Variants in PCDHGB2 observed in about 807,000 individuals in gnomAD.
The protein encoded by PCDHGB2 is protocadherin gamma subfamily B, 2.
Under a neutral mutation model 59.3 loss-of-function variants are expected in PCDHGB2, and 55 were observed. The observed-to-expected ratio is 0.93, with a 90% CI of 0.75 to 1.16. The LOEUF (loss-of-function observed/expected upper bound fraction) is 1.16, where lower values mean the gene tolerates loss of function less well. Ranked by LOEUF, PCDHGB2 falls within the 50% of genes most tolerant of loss-of-function variation. The pLI, the probability that PCDHGB2 is intolerant of heterozygous loss-of-function variation, is 0.00. For missense variants in PCDHGB2, 1,228 were observed against 1,198.5 expected, an observed-to-expected ratio of 1.02 and a Z score of -0.36; for synonymous variants, 516 against 512.0, an observed-to-expected ratio of 1.01 and a Z score of -0.11.
chr5:141,384,237 C>T, intron 1 of PCDHGB2: 2 of 1,613,888 alleles, frequency 1.2e-6, no homozygotes, highest in East Asian at 2.2e-5. Flanking sequence ...CAGACACCAA[C>T]GATAACCCAC....
chr5:141,495,384 C>A (rs2099760896), intron 2 of PCDHGB2, among the ~76,000 whole-genome samples: 1 of 152,190 alleles, frequency 6.6e-6, no homozygotes, highest in African/African-American at 2.4e-5. Flanking sequence ...AAGGACTGGG[C>A]GGGGCATGGA....
intron 2 of PCDHGB2, among the ~76,000 whole-genome samples, chr5:141,503,222 G>A (rs540244346): frequency 2.2e-4 from 34 of 152,120 alleles, no homozygotes; most frequent in African/African-American, 7.7e-4. Context: ...CATGAGCACC[G>A]TAAAGATGGA....
chr5:141,397,245 G>A (rs2093494919), intron 1 of PCDHGB2, among the ~76,000 whole-genome samples: 1 of 152,148 alleles, frequency 6.6e-6, no homozygotes, highest in African/African-American at 2.4e-5. Flanking sequence ...CAACGTAGTA[G>A]GGTATATCAT....
intron 1 of PCDHGB2, chr5:141,384,854 C>T: frequency 6.2e-7 from 1 of 1,613,702 alleles, no homozygotes; most frequent in Non-Finnish European, 8.5e-7. Context: ...CACGGTCAGC[C>T]TCCTCTGTCA....
Position 141,505,566 on chromosome 5 carries a change from A to G in PCDHGB2, c.2569+85A>G, listed in dbSNP as rs1363426407. 1.4e-5 allele frequency: 22 copies of G among 1,599,886 alleles called. No individual in the cohort carries two copies. In the East Asian group the frequency reaches 4.7e-4, roughly 34 times the overall value. ...CACAGCCACCATGCCCACGGACTGGATGTCAAACCTGTGTAGTTTCTCCAG... is the reference window on the plus strand; with the variant it reads ...CACAGCCACCATGCCCACGGACTGGGTGTCAAACCTGTGTAGTTTCTCCAG... On this transcript the variant is annotated intron_variant, in intron 3 of 3. Coordinates refer to ENST00000522605, the MANE Select transcript of PCDHGB2 (RefSeq NM_018923.3).
intron 1 of PCDHGB2, chr5:141,375,104 A>G (rs762208267): frequency 6.2e-7 from 1 of 1,613,956 alleles, no homozygotes; most frequent in Non-Finnish European, 8.5e-7. Context: ...CTTGGATGTC[A>G]ATGATAATGT....
At chr5:141,492,163 C>T (rs921256341) in intron 1 of PCDHGB2, among the ~76,000 whole-genome samples, 22 of 152,232 alleles carry the variant, frequency 1.4e-4, no homozygotes, top group African/African-American at 5.3e-4. Context: ...CCTCCCTATC[C>T]CCGCATCACC....
At position 141,491,591 on chromosome 5, in the gene PCDHGB2, G is replaced by A. The variant is rs969259993; in HGVS notation, c.2422-3216G>A. 22 of 1,613,862 alleles carry A rather than the reference G, an allele frequency of 1.4e-5. No individual in the cohort carries two copies. The highest frequency in any genetic ancestry group is 1.8e-5 in the Non-Finnish European group (21 of 1,180,048). ...ACGTGCTTTTCACCGGCCTCGGACG[G>A]CAGTGACTTCACTTTTCTAAGACCC... On this transcript the variant is annotated intron_variant, in intron 1 of 3. Coordinates refer to ENST00000522605, the MANE Select transcript of PCDHGB2 (RefSeq NM_018923.3). This position sits in a 1 kb window ranked among gnomAD's most constrained non-coding sequence, Gnocchi z 6.9.
At chr5:141,478,295 T>C (rs1210224121) in intron 1 of PCDHGB2, 5 of 1,614,004 alleles carry the variant, frequency 3.1e-6, no homozygotes, top group African/African-American at 2.7e-5. Flanking sequence ...TAGAGACCTA[T>C]ACCGAGCCCC....
Position 141,432,097 on chromosome 5 carries a change from C to A in PCDHGB2, c.2422-62710C>A. The A allele has an allele frequency of 1.9e-6, 3 of 1,614,184 alleles. No individual in the cohort carries two copies. Among genetic ancestry groups the A allele is most frequent in the Non-Finnish European group, 1.7e-6 (2 of 1,180,034 alleles). On this transcript the variant is annotated intron_variant, in intron 1 of 3. Transcript: ENST00000522605. This position sits in a 1 kb window ranked among gnomAD's most constrained non-coding sequence, Gnocchi z 6.0. ...TCTCGCTGAACGTGGCAGACACCAA[C>A]GACAACCCGCCGGTCTTCCCTCAGG...
intron 1 of PCDHGB2, chr5:141,390,069 C>A: frequency 6.2e-7 from 1 of 1,614,076 alleles, no homozygotes; most frequent in Non-Finnish European, 8.5e-7. Context: ...CCAGCCTGGT[C>A]TCTGTGTTAA....
rs199952854 is a variant in PCDHGB2 at position 141,477,297 on chromosome 5, G to T, written c.2422-17510G>T. 4 of 1,614,176 alleles carry T rather than the reference G, an allele frequency of 2.5e-6. No individual in the cohort carries two copies. Among genetic ancestry groups the T allele is most frequent in the Non-Finnish European group, 3.4e-6 (4 of 1,180,040 alleles). On this transcript the variant is annotated intron_variant, in intron 1 of 3. Coordinates refer to ENST00000522605, the MANE Select transcript of PCDHGB2 (RefSeq NM_018923.3). The surrounding 1 kb of genome is among the most constrained non-coding windows in gnomAD (Gnocchi z 4.9). ...CTGGTGACCTGCGAAGTTCCACCGGGTCTCCCTTTCAGCCTTACTTCTTCC... is the reference window on the plus strand; with the variant it reads ...CTGGTGACCTGCGAAGTTCCACCGGTTCTCCCTTTCAGCCTTACTTCTTCC...
intron 1 of PCDHGB2, chr5:141,388,960 A>C: frequency 1.2e-6 from 2 of 1,614,038 alleles, no homozygotes; most frequent in Non-Finnish European, 1.7e-6. Context: ...GAGGACGCCG[A>C]GCTGGGAACA....
chr5:141,488,128 G>T (rs1412334197), intron 1 of PCDHGB2, among the ~76,000 whole-genome samples: 1 of 152,226 alleles, frequency 6.6e-6, no homozygotes, highest in Non-Finnish European at 1.5e-5. Context: ...ACAGCAGAAA[G>T]AGGAGAGAAC....
At position 141,477,226 on chromosome 5, in the gene PCDHGB2, C is replaced by G. The variant is rs779570150; in HGVS notation, c.2422-17581C>G. 59 of 1,614,076 alleles carry G rather than the reference C, an allele frequency of 3.7e-5. No homozygotes were observed. The highest frequency in any genetic ancestry group is 1.3e-4 in the Admixed American group (8 of 60,004). On this transcript the variant is annotated intron_variant, in intron 1 of 3. Coordinates refer to ENST00000522605, the MANE Select transcript of PCDHGB2 (RefSeq NM_018923.3). This position sits in a 1 kb window ranked among gnomAD's most constrained non-coding sequence, Gnocchi z 4.9. ...CCGAGGATGCCCCTCTGGGGACTGT[C>G]ATCGCTTTGCTCAGTGTGACTGACC...
At chr5:141,479,619 T>C (rs1327758222) in intron 1 of PCDHGB2, 1 of 152,220 alleles carries the variant, frequency 6.6e-6, no homozygotes, top group Non-Finnish European at 1.5e-5. Flanking sequence ...AGGGAAACCA[T>C]GTCTCTTTAA....
chr5:141,431,624 G>C lies in PCDHGB2; in HGVS notation c.2422-63183G>C. The C allele has an allele frequency of 2.5e-6, 4 of 1,614,234 alleles. No individual in the cohort carries two copies. Among genetic ancestry groups the C allele is most frequent in the Non-Finnish European group, 3.4e-6 (4 of 1,180,038 alleles). On this transcript the variant is annotated intron_variant, in intron 1 of 3. Transcript: ENST00000522605. This position sits in a 1 kb window ranked among gnomAD's most constrained non-coding sequence, Gnocchi z 4.8. ...CTTCCGGTATGTGGACGACAAGGCG[G>C]CCCAAGTTTTCAAACTAGATTGTAA...
At chr5:141,422,328 T>C (rs1561800810) in intron 1 of PCDHGB2, 4 of 1,548,502 alleles carry the variant, frequency 2.6e-6, no homozygotes, top group Non-Finnish European at 2.6e-6. Flanking sequence ...GTACAGTGAT[T>C]GCTCTTCTAA....
intron 1 of PCDHGB2, among the ~76,000 whole-genome samples, chr5:141,381,246 A>G (rs2150176708): frequency 6.6e-6 from 1 of 152,374 alleles, no homozygotes; most frequent in Non-Finnish European, 1.5e-5. Context: ...TCCAGGACCT[A>G]GAAGAATTTA....
Sources: gnomAD v4.1 joint callset for allele counts (sites outside exome capture counted in the v4.1 genomes callset) on GRCh38, gnomAD v4.1.1 for gene constraint, Gnocchi (gnomAD v3.1) non-coding constraint, MANE v1.5 for transcripts, NCBI Gene and HGNC (gene_info 2026-07-23, HGNC 2026-07-21) for gene names.